Variants in SPECC1 observed in about 807,000 individuals in gnomAD.
SPECC1 encodes sperm antigen with calponin homology and coiled-coil domains 1, also known as cytospin-B.
In SPECC1, 62 loss-of-function variants were observed where a neutral mutation model predicts 104.1. The observed-to-expected ratio is 0.60, with a 90% CI of 0.49 to 0.74. SPECC1 has a LOEUF of 0.74. Ranked by LOEUF, SPECC1 falls within the 30% of genes least tolerant of loss-of-function variation. The probability of loss-of-function intolerance (pLI) is 0.00; values close to 1 mark genes in which losing one functional copy is unlikely to be tolerated. For missense variants in SPECC1, 1,306 were observed against 1,310.5 expected (o/e 1.00, Z 0.05); for synonymous variants, 513 against 501.6 (o/e 1.02, Z -0.30).
At chr17:20,115,204 G>T (rs931165257) in intron 3 of SPECC1, among the ~76,000 whole-genome samples, 3 of 152,192 alleles carry the variant, frequency 2.0e-5, no homozygotes, top group African/African-American at 7.2e-5. Context: ...GCCGGGCACG[G>T]TGGCTCACAC....
intron 3 of SPECC1, among the ~76,000 whole-genome samples, chr17:20,123,803 G>C (rs2049153613): frequency 6.6e-6 from 1 of 152,190 alleles, no homozygotes; most frequent in Admixed American, 6.5e-5. Context: ...GCTAACCACT[G>C]TTCTCAGTGT....
intron 1 of SPECC1, among the ~76,000 whole-genome samples, chr17:20,088,695 G>C (rs1403672929): frequency 6.6e-6 from 1 of 152,208 alleles, no homozygotes; most frequent in East Asian, 1.9e-4. Flanking sequence ...AGGGTAAGGG[G>C]TCAGCGTGGC....
chr17:20,204,273 GGTTTT>G (rs1297874598), intron 3 of SPECC1, 55 bp from the exon 4 acceptor site: 15 of 1,546,378 alleles, frequency 9.7e-6, no homozygotes, highest in Non-Finnish European at 1.3e-5. Flanking sequence ...CAGTCATTTG[GGTTTT>G]GTTTATAAGA....
Position 20,287,145 on chromosome 17 carries a change from C to T in SPECC1, c.2941-9816C>T, listed in dbSNP as rs1315466137. On this transcript the variant is annotated intron_variant, in intron 12 of 14. Coordinates refer to ENST00000395527, the MANE Select transcript of SPECC1 (RefSeq NM_001243439.2). ...TAAATGACATGGCTTTGGCCGGGCG[C>T]GGGTGCTCACGCCTGTAATCCCAGC... 3.9e-5 allele frequency among the ~76,000 whole-genome samples: 6 copies of T among 152,276 alleles called. No individual in the cohort carries two copies. In the South Asian group the frequency reaches 1.0e-3, roughly 26 times the overall value.
chr17:20,136,457 ACT>A (rs2029986606), intron 3 of SPECC1, among the ~76,000 whole-genome samples: 1 of 151,694 alleles, frequency 6.6e-6, no homozygotes, highest in South Asian at 2.1e-4. Flanking sequence ...GTCTTTTCAA[ACT>A]CTAGTCTTTT....
At chr17:20,293,666 G>T (rs891949623) in intron 12 of SPECC1, among the ~76,000 whole-genome samples, 1 of 152,166 alleles carries the variant, frequency 6.6e-6, no homozygotes, top group Admixed American at 6.5e-5. Context: ...CCCTAGACTT[G>T]CCCATTTCTT....
At chr17:20,161,753 T>G (rs2033172573) in intron 3 of SPECC1, among the ~76,000 whole-genome samples, 1 of 152,140 alleles carries the variant, frequency 6.6e-6, no homozygotes, top group Non-Finnish European at 1.5e-5. Context: ...AACAAGAAGC[T>G]AGTCTGCCTT....
At chr17:20,295,782 A>G (rs1352764029) in intron 12 of SPECC1, among the ~76,000 whole-genome samples, 4 of 152,172 alleles carry the variant, frequency 2.6e-5, no homozygotes, top group South Asian at 2.1e-4. Context: ...GATGATGAGC[A>G]TTGTTTCATG....
Position 20,247,094 on chromosome 17 carries a change from G to A in SPECC1, c.2498-125G>A, listed in dbSNP as rs552451238. 6.3e-5 allele frequency: 41 copies of A among 652,376 alleles called. No individual in the cohort carries two copies. In the South Asian group the frequency reaches 9.5e-4, roughly 15 times the overall value. The allele number at this position is 652,376 out of a possible 1,614,324, so 40.4% of individuals were successfully genotyped here. On this transcript the variant is annotated intron_variant, in intron 8 of 14. Transcript: ENST00000395527. ...GTCCGGAGAAGAAAAGGATAATAGA[G>A]TAAATATTACACTAAACACGGATAC...
chr17:20,130,521 C>T (rs888030581), intron 3 of SPECC1, among the ~76,000 whole-genome samples: 34 of 152,016 alleles, frequency 2.2e-4, no homozygotes, highest in Admixed American at 1.6e-3. Flanking sequence ...GGTGACAGAG[C>T]GAGACCCTGT....
At position 20,245,798 on chromosome 17, in the gene SPECC1, T is replaced by A. The variant is rs536159738; in HGVS notation, c.2352-128T>A. The A allele has an allele frequency of 1.2e-5, 13 of 1,083,460 alleles. No homozygotes were observed. The African/African-American group carries it at 1.4e-4, about 12-fold the overall frequency. 67.1% of individuals were successfully genotyped at this position (1,083,460 alleles called of 1,614,324 possible). On this transcript the variant is annotated intron_variant, in intron 7 of 14. Transcript: ENST00000395527. ...ATGCAAACTGGTAGAGAAAACAGGA[T>A]GTTAAATTCAGAATTTCCCTTCCAG...
intron 7 of SPECC1, among the ~76,000 whole-genome samples, chr17:20,243,446 T>A (rs2039288563): frequency 6.6e-6 from 1 of 152,244 alleles, no homozygotes; most frequent in South Asian, 2.1e-4. Flanking sequence ...GTAAGGATTT[T>A]CAGCCTCATT....
At position 20,075,672 on chromosome 17, in the gene SPECC1, G is replaced by A. The variant is rs77463268; in HGVS notation, c.-21-20959G>A. On this transcript the variant is annotated intron_variant, in intron 1 of 14. Coordinates refer to ENST00000395527, the MANE Select transcript of SPECC1 (RefSeq NM_001243439.2). ...TAAAAAAATTTAGCCAGGTCTGGGC[G>A]TCGTAGGTCATGCCTCTAATCCCAG... Among the ~76,000 whole-genome samples the A allele has an allele frequency of 2.7e-3, 413 of 152,204 alleles. 15 individuals carry two copies. The East Asian group carries it at 0.076, about 28-fold the overall frequency.
At chr17:20,222,333 C>G (rs568646804) in intron 4 of SPECC1, among the ~76,000 whole-genome samples, 1 of 150,196 alleles carries the variant, frequency 6.7e-6, no homozygotes, top group South Asian at 2.1e-4. Flanking sequence ...GATTGTGTCT[C>G]GAAAAAAAAA....
chr17:20,111,912 T>C, intron 3 of SPECC1: 1 of 788,852 alleles, frequency 1.3e-6, no homozygotes, highest in Non-Finnish European at 2.3e-6. Context: ...TTGCTTTCTG[T>C]GGCCAGTGGT....
intron 3 of SPECC1, among the ~76,000 whole-genome samples, chr17:20,116,384 G>A (rs1316153195): frequency 3.9e-5 from 6 of 152,040 alleles, no homozygotes; most frequent in Non-Finnish European, 7.4e-5. Flanking sequence ...CACCATGACC[G>A]GCCATCAGTA....
intron 3 of SPECC1, among the ~76,000 whole-genome samples, chr17:20,167,134 A>ATATATATTATATTATATATAATTTATAT (rs2033719244): frequency 6.8e-6 from 1 of 147,986 alleles, no homozygotes; most frequent in Non-Finnish European, 1.5e-5. Context: ...TAATGTGTAT[A>ATATATATTATATTATATATAATTTATAT]TATATATTAT....
intron 3 of SPECC1, among the ~76,000 whole-genome samples, chr17:20,114,930 C>T (rs1397471350): frequency 6.6e-6 from 1 of 152,122 alleles, no homozygotes; most frequent in East Asian, 1.9e-4. Context: ...TTTTCATAAT[C>T]AACATTTGCC....
chr17:20,082,533 C>A (rs1027749903), intron 1 of SPECC1, among the ~76,000 whole-genome samples: 1 of 152,020 alleles, frequency 6.6e-6, no homozygotes, highest in African/African-American at 2.4e-5. Context: ...GAGTTTGAGG[C>A]TTCAGTGAGG....
Sources: gnomAD v4.1 joint callset for allele counts (sites outside exome capture counted in the v4.1 genomes callset) on GRCh38, gnomAD v4.1.1 for gene constraint, MANE v1.5 for transcripts, NCBI Gene and HGNC (gene_info 2026-07-23, HGNC 2026-07-21) for gene names.